SFI1: variants seen among roughly 807,000 people sequenced by gnomAD.
The protein encoded by SFI1 is SFI1 centrin binding protein.
Under a neutral mutation model 207.5 loss-of-function variants are expected in SFI1, and 195 were observed. The observed-to-expected ratio is 0.94, with a 90% CI of 0.84 to 1.06. The LOEUF is 1.06. SFI1 is among the 50% of genes least tolerant of loss of function. The pLI is 0.00. For synonymous variants in SFI1, 630 were observed against 598.9 expected, an observed-to-expected ratio of 1.05 and a Z score of -0.76; for missense variants, 1,634 against 1,588.0, an observed-to-expected ratio of 1.03 and a Z score of -0.49.
intron 8 of SFI1, chr22:31,572,826 ATTC>A (rs892071218): frequency 3.3e-4 from 128 of 387,278 alleles, no homozygotes; most frequent in African/African-American, 1.3e-3. Context: ...TGTTGATTTT[ATTC>A]TTCTTTTTTT....
chr22:31,584,829 G>A (rs138883666), intron 13 of SFI1, among the ~76,000 whole-genome samples: 1,633 of 152,120 alleles, frequency 0.011, 8 homozygotes, highest in Middle Eastern at 0.031. Flanking sequence ...CTGTGCTTTC[G>A]GTGGTCTAAT....
chr22:31,589,244 TTAAC>T lies in SFI1; in HGVS notation c.1414-199_1414-196del, dbSNP rs141214343. On this transcript the variant is annotated intron_variant, in intron 14 of 32. Transcript: ENST00000400288. ...TGTGTGTGTGTGTGTGTAGAAATGTTTAACTAATGTTTAAGTGAAAATTTTTTTA... is the reference window on the plus strand; with the variant it reads ...TGTGTGTGTGTGTGTGTAGAAATGTTTAATGTTTAAGTGAAAATTTTTTTA... 2.6e-3 allele frequency among the ~76,000 whole-genome samples: 396 copies of T among 151,728 alleles called. 1 individual carries two copies. Among genetic ancestry groups the T allele is most frequent in the Admixed American group, 5.4e-3 (83 of 15,236 alleles).
chr22:31,564,363 C>T (rs1407002944), intron 8 of SFI1, among the ~76,000 whole-genome samples: 3 of 150,744 alleles, frequency 2.0e-5, no homozygotes, highest in Non-Finnish European at 3.0e-5. Context: ...TAGCCAAGTA[C>T]TCACCAGCCT....
Position 31,583,941 on chromosome 22 carries a change from C to G in SFI1, c.1315C>G (p.Pro439Ala). 6.2e-7 allele frequency: 1 copy of G among 1,614,112 alleles called. No homozygotes were observed. Among genetic ancestry groups the G allele is most frequent in the Non-Finnish European group, 8.5e-7 (1 of 1,180,008 alleles). The part of the protein sequence containing the change: ...IEQKKERELL[P>A]LLHAAWDHYR... Reference sequence around the variant, plus strand: ...GCAGAAAAAGGAAAGAGAGCTGCTCCCCTTACTGCATGCTGCCTGGGACCA... The same window carrying G: ...GCAGAAAAAGGAAAGAGAGCTGCTCGCCTTACTGCATGCTGCCTGGGACCA... Residue 439 changes from proline (P) to alanine (A), a missense_variant, in exon 13 of 33, where the codon CCC becomes GCC. Transcript: ENST00000400288.
chr22:31,522,180 G>A (rs958380294), intron 2 of SFI1, among the ~76,000 whole-genome samples: 1 of 140,780 alleles, frequency 7.1e-6, no homozygotes, highest in Non-Finnish European at 1.5e-5. Context: ...CTGTTCTCCC[G>A]CCTCAGCCTC....
chr22:31,530,203 A>AAAAAAAT lies in SFI1; in HGVS notation c.267-855_267-854insAAAAAAT, dbSNP rs1569227870. ...AAAAAAAAAAAAAAAAAAAAAAAAAAGACAAGGCCGGGCGCGGTGGCTCAC... is the reference window on the plus strand; with the variant it reads ...AAAAAAAAAAAAAAAAAAAAAAAAAAAAAAAATGACAAGGCCGGGCGCGGTGGCTCAC... On this transcript the variant is annotated intron_variant, in intron 3 of 32. Transcript: ENST00000400288. 1.9e-3 allele frequency among the ~76,000 whole-genome samples: 243 copies of AAAAAAAT among 127,796 alleles called. 14 individuals carry two copies. The highest frequency in any genetic ancestry group is 5.3e-3 in the Admixed American group (59 of 11,222). The allele number at this position is 127,796 out of a possible 152,430, so 83.8% of individuals were successfully genotyped here.
chr22:31,561,031 T>G (rs62237766), intron 7 of SFI1, among the ~76,000 whole-genome samples: 7,088 of 152,204 alleles, frequency 0.047, 150 homozygotes, highest in African/African-American at 0.055. Flanking sequence ...AATCAAACTG[T>G]GTAGGTCAAA....
At chr22:31,552,188 T>C (rs2060688667) in intron 6 of SFI1, among the ~76,000 whole-genome samples, 1 of 152,184 alleles carries the variant, frequency 6.6e-6, no homozygotes, top group African/African-American at 2.4e-5. Flanking sequence ...GCTCCATCCA[T>C]GTTGGTGCAA....
At chr22:31,531,608 G>A (rs941411376) in intron 4 of SFI1, among the ~76,000 whole-genome samples, 2 of 150,376 alleles carry the variant, frequency 1.3e-5, no homozygotes, top group Non-Finnish European at 3.0e-5. Flanking sequence ...AAAATTAGCC[G>A]AGCAGCCAGG....
intron 12 of SFI1, 82 bp downstream of exon 12, chr22:31,580,446 C>T (rs927511821): frequency 1.5e-5 from 18 of 1,186,010 alleles, no homozygotes; most frequent in African/African-American, 3.2e-5. Flanking sequence ...CCAAATTAAG[C>T]AGAACTCTTT....
chr22:31,520,835 A>G (rs1481004929), intron 2 of SFI1, among the ~76,000 whole-genome samples: 1 of 150,928 alleles, frequency 6.6e-6, no homozygotes. Context: ...GTCTCTACAA[A>G]AAGTAAAAAA....
intron 8 of SFI1, among the ~76,000 whole-genome samples, chr22:31,564,326 CAA>C (rs1203864757): frequency 3.3e-4 from 21 of 63,436 alleles, no homozygotes; most frequent in Admixed American, 4.0e-4. Context: ...GACTCCATCT[CAA>C]AAAAAAAAAA....
chr22:31,587,115 A>G (rs2065119846), intron 14 of SFI1, among the ~76,000 whole-genome samples: 1 of 152,210 alleles, frequency 6.6e-6, no homozygotes, highest in Non-Finnish European at 1.5e-5. Context: ...ATTCAGAGGA[A>G]AAAAAGAGTA....
intron 2 of SFI1, 87 bp from the exon 3 acceptor site, chr22:31,528,599 CTGTT>C (rs2058162264): frequency 8.8e-7 from 1 of 1,138,206 alleles, no homozygotes; most frequent in Non-Finnish European, 1.3e-6. Context: ...ATGAGCTTAT[CTGTT>C]TAATTTTGCT....
chr22:31,512,459 G>A (rs1187073483), intron 2 of SFI1, among the ~76,000 whole-genome samples: 1 of 141,384 alleles, frequency 7.1e-6, no homozygotes, highest in Non-Finnish European at 1.6e-5. Flanking sequence ...TTTATATATT[G>A]ACAAATTATA....
chr22:31,541,946 C>A (rs944537847), intron 4 of SFI1, among the ~76,000 whole-genome samples: 3 of 150,602 alleles, frequency 2.0e-5, no homozygotes, highest in African/African-American at 7.3e-5. Flanking sequence ...ACTAAAAATA[C>A]AAAAATTAGC....
chr22:31,576,203 T>A (rs1240668065), intron 10 of SFI1, among the ~76,000 whole-genome samples: 2 of 152,074 alleles, frequency 1.3e-5, no homozygotes, highest in African/African-American at 4.8e-5. Context: ...TTTTGTATTT[T>A]TAGTAGAGAC....
At chr22:31,527,589 T>A (rs906835757) in intron 2 of SFI1, among the ~76,000 whole-genome samples, 5 of 152,170 alleles carry the variant, frequency 3.3e-5, no homozygotes, top group East Asian at 1.9e-4. Flanking sequence ...TACAATAAAA[T>A]TTTTTAAAAA....
At chr22:31,502,058 C>T (rs1000855695) in intron 1 of SFI1, among the ~76,000 whole-genome samples, 13 of 152,120 alleles carry the variant, frequency 8.5e-5, no homozygotes, top group Non-Finnish European at 1.3e-4. Context: ...AACCTTGACC[C>T]TGAACTGGAA....
Sources: gnomAD v4.1 joint callset for allele counts (sites outside exome capture counted in the v4.1 genomes callset) on GRCh38, gnomAD v4.1.1 for gene constraint, MANE v1.5 for transcripts, NCBI Gene and HGNC (gene_info 2026-07-23, HGNC 2026-07-21) for gene names.